The following SP6 variants were observed in gnomAD, a reference collection of about 807,000 sequenced individuals.
SP6 encodes transcription factor Sp6.
SP6 carries 10 observed loss-of-function variants against 23.4 expected under a neutral mutation model. The observed-to-expected ratio is 0.43, with a 90% CI of 0.26 to 0.72. The LOEUF is 0.72. Among genes scored for constraint, SP6 ranks in the 30% least tolerant of loss-of-function variants. The probability of loss-of-function intolerance (pLI) is 0.23; values close to 1 mark genes in which losing one functional copy is unlikely to be tolerated. For synonymous variants in SP6, 238 were observed against 238.7 expected (o/e 1.00, Z 0.03); for missense variants, 482 against 523.8 (o/e 0.92, Z 0.78).
chr17:47,860,400 C>G (rs1251881816), upstream of SP6, among the ~76,000 whole-genome samples: 1 of 152,180 alleles, frequency 6.6e-6, no homozygotes, highest in African/African-American at 2.4e-5. Context: ...TGTGTAAGAT[C>G]GTGAGTTCCT....
the SP6 span, among the ~76,000 whole-genome samples, chr17:47,874,657 G>A: frequency 1.2e-4 from 18 of 152,128 alleles, no homozygotes; most frequent in Admixed American, 7.2e-4. Context: ...GGTCCTGTAC[G>A]TTTGCCCTTG....
At chr17:47,856,414 C>A (rs527416274), upstream of SP6, among the ~76,000 whole-genome samples, 2 of 152,096 alleles carry the variant, frequency 1.3e-5, no homozygotes, top group Non-Finnish European at 2.9e-5. Flanking sequence ...CCAGAAAGAC[C>A]AGAGGCAGAG....
chr17:47,866,151 G>A, the SP6 span, among the ~76,000 whole-genome samples: 1 of 152,174 alleles, frequency 6.6e-6, no homozygotes, highest in African/African-American at 2.4e-5. Context: ...TCCTGTCCCT[G>A]AGGAGCACCT....
chr17:47,851,719 C>G (rs2033958615), upstream of SP6, among the ~76,000 whole-genome samples: 1 of 148,426 alleles, frequency 6.7e-6, no homozygotes, highest in Admixed American at 6.7e-5. Flanking sequence ...CCCCGACCCC[C>G]GTCCCCTGCC....
At chr17:47,869,216 G>A in the SP6 span, among the ~76,000 whole-genome samples, 1 of 152,202 alleles carries the variant, frequency 6.6e-6, no homozygotes, top group African/African-American at 2.4e-5. Context: ...TGCCAAGCTG[G>A]ACAGGAGGCC....
At chr17:47,858,152 T>G (rs2143665308), upstream of SP6, among the ~76,000 whole-genome samples, 3 of 152,040 alleles carry the variant, frequency 2.0e-5, no homozygotes, top group Admixed American at 2.0e-4. Context: ...GCTCTCTAAT[T>G]TGTTCCTCCC....
chr17:47,849,263 T>C (rs1435562137), intron 1 of SP6, among the ~76,000 whole-genome samples: 2 of 152,124 alleles, frequency 1.3e-5, no homozygotes, highest in South Asian at 2.1e-4. Flanking sequence ...CAGGCAACTC[T>C]CTGACTGCTA....
Position 47,848,231 on chromosome 17 carries a change from A to C in SP6, c.199T>G (p.Tyr67Asp). ...CGCGAGGAGGCCCCTGGCAGCTCAT[A>C]GCCCTGCGAGAAGTCCACCTCCGGG... The part of the protein sequence containing the change: ...LGPEVDFSQG[Y>D]ELPGASSRVT... Residue 67 changes from tyrosine (Y) to aspartate (D), a missense_variant, in exon 2 of 2, where the codon TAT (tyrosine) becomes GAT (aspartate). Tyr to Asp is a radical substitution (Grantham distance 160). Around this residue, in one of 3 missense-constraint regions of SP6, gnomAD observed 330 missense variants for 332.3 expected, o/e 0.99. Coordinates refer to ENST00000536300, the MANE Select transcript of SP6 (RefSeq NM_001258248.2). This position sits in a 1 kb window ranked among gnomAD's most constrained non-coding sequence, Gnocchi z 5.3. 14 of 1,612,210 alleles carry C rather than the reference A, an allele frequency of 8.7e-6. No homozygotes were observed. The highest frequency in any genetic ancestry group is 1.2e-5 in the Non-Finnish European group (14 of 1,179,294).
At chr17:47,857,507 G>C (rs984584037), upstream of SP6, among the ~76,000 whole-genome samples, 2 of 152,172 alleles carry the variant, frequency 1.3e-5, no homozygotes, top group African/African-American at 4.8e-5. Context: ...GGTTGGGGGG[G>C]AGTTTGGGAG....
At chr17:47,873,844 TTTCCTCCTCCTCCTCCTCTTCTTC>T in the SP6 span, among the ~76,000 whole-genome samples, 5 of 137,982 alleles carry the variant, frequency 3.6e-5, no homozygotes, top group Admixed American at 1.4e-4. Context: ...TCCTTCTTGC[TTTCCTCCTCCTCCTCCTCTTCTTC>T]TTCCTCCTCC....
the SP6 span, among the ~76,000 whole-genome samples, chr17:47,876,184 G>C: frequency 6.6e-6 from 1 of 152,188 alleles, no homozygotes; most frequent in Non-Finnish European, 1.5e-5. Flanking sequence ...GGTTGAAGAA[G>C]AGAAGAAGAC....
chr17:47,857,971 C>T (rs928196158), upstream of SP6, among the ~76,000 whole-genome samples: 5 of 151,844 alleles, frequency 3.3e-5, no homozygotes, highest in African/African-American at 9.7e-5. Flanking sequence ...CGCCAGCCCT[C>T]GGATCTCAGG....
rs957637408 is a variant in SP6, at chr17:47,847,058, G to T, written c.*241C>A. The T allele has an allele frequency of 5.7e-5, 30 of 529,548 alleles. No homozygotes were observed. Among genetic ancestry groups the T allele is most frequent in the Non-Finnish European group, 2.6e-5 (8 of 302,480 alleles). 32.8% of individuals were successfully genotyped at this position (529,548 alleles called of 1,614,324 possible). On this transcript the variant is annotated 3_prime_UTR_variant, in exon 2 of 2. Coordinates refer to ENST00000536300, the MANE Select transcript of SP6 (RefSeq NM_001258248.2). ...GCCCAGGGGCGAGGGAAACTGTGAG[G>T]CAGGGGAGAACAGAGGGGCATTGCG...
the SP6 span, among the ~76,000 whole-genome samples, chr17:47,869,406 G>T: frequency 6.6e-6 from 1 of 152,188 alleles, no homozygotes; most frequent in Non-Finnish European, 1.5e-5. Flanking sequence ...ATCCTGTTTG[G>T]GATCTGGGGA....
the SP6 span, among the ~76,000 whole-genome samples, chr17:47,874,128 C>T: frequency 6.6e-6 from 1 of 151,688 alleles, no homozygotes; most frequent in Non-Finnish European, 1.5e-5. Flanking sequence ...ACTCTGTCAC[C>T]CAGGCTGGAG....
At chr17:47,860,987 C>T in the SP6 span, among the ~76,000 whole-genome samples, 4 of 152,140 alleles carry the variant, frequency 2.6e-5, no homozygotes, top group South Asian at 2.1e-4. Flanking sequence ...CAGGATCCCA[C>T]GAGAGGGGAA....
chr17:47,852,842 C>T (rs1333565133), upstream of SP6, among the ~76,000 whole-genome samples: 2 of 152,154 alleles, frequency 1.3e-5, no homozygotes, highest in African/African-American at 4.8e-5. Context: ...GGTAGGGTCT[C>T]CTGGGGGCTT....
At chr17:47,869,078 T>C in the SP6 span, among the ~76,000 whole-genome samples, 1 of 152,214 alleles carries the variant, frequency 6.6e-6, no homozygotes, top group African/African-American at 2.4e-5. Flanking sequence ...ATCTTGGCCC[T>C]GGGCTCCCTG....
the SP6 span, among the ~76,000 whole-genome samples, chr17:47,869,195 C>G: frequency 1.3e-5 from 2 of 152,210 alleles, no homozygotes; most frequent in Admixed American, 1.3e-4. Flanking sequence ...AGGGTACTGC[C>G]TCCCCTCCCC....
Sources: allele counts gnomAD v4.1 joint callset (sites outside exome capture counted in the v4.1 genomes callset), GRCh38; gene constraint gnomAD v4.1.1; regional missense constraint gnomAD v4.1.1; non-coding constraint Gnocchi (gnomAD v3.1); transcripts MANE v1.5; gene names NCBI Gene and HGNC (gene_info 2026-07-23, HGNC 2026-07-21).